Variants in COA1 observed in about 807,000 individuals in gnomAD.
COA1 encodes the protein cytochrome c oxidase assembly factor 1, also known as cytochrome c oxidase assembly factor 1 homolog.
In COA1, 13 loss-of-function variants were observed where a neutral mutation model predicts 16.0. That is an observed-to-expected ratio of 0.81 (90% CI 0.53 to 1.29). COA1 has a LOEUF of 1.29. Among genes scored for constraint, COA1 ranks in the 50% most tolerant of loss-of-function variants. The probability of loss-of-function intolerance (pLI) is 0.00; values close to 1 mark genes in which losing one functional copy is unlikely to be tolerated. For synonymous variants in COA1, 65 were observed against 65.7 expected, an observed-to-expected ratio of 0.99 and a Z score of 0.05; for missense variants, 179 against 177.0, an observed-to-expected ratio of 1.01 and a Z score of -0.06.
At chr7:43,648,680 A>G in intron 1 of COA1, 28 bp from the exon 2 acceptor site, 1 of 1,566,890 alleles carries the variant, frequency 6.4e-7, no homozygotes, top group Non-Finnish European at 8.8e-7. Flanking sequence ...TTTACATTAA[A>G]ATCATATTTT....
In COA1 at chr7:43,725,319, T is replaced by C. The variant is rs551724025; in HGVS notation, c.-39+4110A>G. Among the ~76,000 whole-genome samples, 7 of 152,268 alleles carry C rather than the reference T, an allele frequency of 4.6e-5. No individual in the cohort carries two copies. In the South Asian group the frequency reaches 1.4e-3, roughly 32 times the overall value. ...TACACAACAATGTTAAAGTACTTAATGGCACTGAACTGTATCTTTACAAAT... is the reference window on the plus strand; with the variant it reads ...TACACAACAATGTTAAAGTACTTAACGGCACTGAACTGTATCTTTACAAAT... On this transcript the variant is annotated intron_variant, in intron 1 of 5. Coordinates refer to ENST00000223336, the MANE Select transcript of COA1 (RefSeq NM_018224.4).
intron 1 of COA1, among the ~76,000 whole-genome samples, chr7:43,707,725 T>C (rs1010606382): frequency 2.0e-5 from 3 of 152,208 alleles, no homozygotes; most frequent in Admixed American, 6.5e-5. Flanking sequence ...TACAGTACAG[T>C]AGTCCACGTT....
intron 1 of COA1, among the ~76,000 whole-genome samples, chr7:43,696,214 G>A (rs562781286): frequency 6.6e-6 from 1 of 152,224 alleles, no homozygotes; most frequent in South Asian, 2.1e-4. Flanking sequence ...TGAAATGAAC[G>A]GTAAAGAGGC....
At chr7:43,715,370 C>A (rs1284313078) in intron 1 of COA1, among the ~76,000 whole-genome samples, 3 of 151,252 alleles carry the variant, frequency 2.0e-5, no homozygotes, top group Non-Finnish European at 1.5e-5. Flanking sequence ...CCCAGCTACT[C>A]GGAAGGCTGA....
chr7:43,728,115 C>G (rs1397058685), intron 1 of COA1, among the ~76,000 whole-genome samples: 9 of 152,218 alleles, frequency 5.9e-5, no homozygotes, highest in African/African-American at 2.2e-4. Context: ...GCTGGGACTA[C>G]AGGCTCCCGC....
chr7:43,694,097 C>T (rs1181473423), intron 1 of COA1, among the ~76,000 whole-genome samples: 1 of 149,346 alleles, frequency 6.7e-6, no homozygotes, highest in Non-Finnish European at 1.5e-5. Flanking sequence ...TGGATGCATG[C>T]TCTGTGCTCC....
downstream of COA1, among the ~76,000 whole-genome samples, chr7:43,638,480 A>G (rs1262517336): frequency 6.6e-6 from 1 of 151,880 alleles, no homozygotes; most frequent in African/African-American, 2.4e-5. Flanking sequence ...ATTATCTAAC[A>G]TGCGGTTAAG....
chr7:43,640,421 C>T, intron 5 of COA1, 152 bp downstream of exon 5: 1 of 658,686 alleles, frequency 1.5e-6, no homozygotes, highest in Non-Finnish European at 2.7e-6. Context: ...TACTGGCTTG[C>T]TGCCCAGGCC....
intron 4 of COA1, 55 bp downstream of exon 4, chr7:43,645,196 A>G (rs895921905): frequency 1.3e-6 from 2 of 1,568,674 alleles, no homozygotes; most frequent in African/African-American, 2.7e-5. Context: ...GAGACAGTAG[A>G]CTCTCCTCTC....
At chr7:43,625,753 C>CAGAGAGAGAGAGAGAGAGAGAGAG (rs3832501) in intron 6 of COA1, 8 of 149,584 alleles carry the variant, frequency 5.3e-5, no homozygotes, top group Non-Finnish European at 1.0e-4. Context: ...TCCCCTAGAG[C>CAGAGAGAGAGAGAGAGAGAGAGAG]AGAGAGAGAG....
intron 1 of COA1, among the ~76,000 whole-genome samples, chr7:43,720,172 G>A (rs952252888): frequency 3.9e-5 from 6 of 152,036 alleles, no homozygotes; most frequent in South Asian, 2.1e-4. Flanking sequence ...CCAGCTACTC[G>A]GGAGGCTGAG....
At chr7:43,699,279 C>A (rs2094626979) in intron 1 of COA1, among the ~76,000 whole-genome samples, 1 of 152,054 alleles carries the variant, frequency 6.6e-6, no homozygotes, top group South Asian at 2.1e-4. Flanking sequence ...ACAAGAAGTA[C>A]CTAGTTCATA....
intron 6 of COA1, among the ~76,000 whole-genome samples, chr7:43,618,135 G>A (rs1037062285): frequency 6.6e-5 from 10 of 152,176 alleles, no homozygotes; most frequent in African/African-American, 2.4e-4. Context: ...CAATGTGATG[G>A]AGACAGAAAC....
intron 1 of COA1, among the ~76,000 whole-genome samples, chr7:43,698,184 T>C (rs982429335): frequency 6.6e-6 from 1 of 152,190 alleles, no homozygotes; most frequent in African/African-American, 2.4e-5. Context: ...ATTTATGGCA[T>C]CATAGACAAT....
chr7:43,642,852 C>T (rs1325250666), intron 4 of COA1, among the ~76,000 whole-genome samples: 1 of 152,190 alleles, frequency 6.6e-6, no homozygotes, highest in East Asian at 1.9e-4. Context: ...ACTGAAACAT[C>T]TCACCTCTGG....
At chr7:43,638,646 G>A (rs2086344741), downstream of COA1, among the ~76,000 whole-genome samples, 1 of 145,136 alleles carries the variant, frequency 6.9e-6, no homozygotes, top group Non-Finnish European at 1.5e-5. Context: ...TGAAATCTTG[G>A]CTCACTGCAG....
At chr7:43,661,579 G>C (rs1045818785) in intron 1 of COA1, among the ~76,000 whole-genome samples, 1 of 151,740 alleles carries the variant, frequency 6.6e-6, no homozygotes, top group African/African-American at 2.4e-5. Flanking sequence ...AGCTTGCAGT[G>C]TGAGCCGAGA....
At chr7:43,660,991 G>A (rs2153160336) in intron 1 of COA1, among the ~76,000 whole-genome samples, 1 of 152,140 alleles carries the variant, frequency 6.6e-6, no homozygotes, top group East Asian at 1.9e-4. Context: ...ACACTGAGCA[G>A]AACATGGTAA....
chr7:43,647,491 G>T, intron 3 of COA1, 44 bp downstream of exon 3: 2 of 1,264,062 alleles, frequency 1.6e-6, no homozygotes, highest in Non-Finnish European at 2.3e-6. Context: ...AGCAGGAGCA[G>T]GCTAGGAGGA....
Sources: allele counts gnomAD v4.1 joint callset (sites outside exome capture counted in the v4.1 genomes callset), GRCh38; gene constraint gnomAD v4.1.1; transcripts MANE v1.5; gene names NCBI Gene and HGNC (gene_info 2026-07-23, HGNC 2026-07-21).